CEACAM21: variants seen among roughly 807,000 people sequenced by gnomAD.
The protein encoded by CEACAM21 is cell adhesion molecule CEACAM21.
A neutral mutation model predicts 33.2 loss-of-function variants in CEACAM21; 38 were observed. That is an observed-to-expected ratio of 1.14 (90% CI 0.88 to 1.50). The LOEUF is 1.50. CEACAM21 is among the 40% of genes most tolerant of loss of function. The pLI is 0.00. For synonymous variants in CEACAM21, 156 were observed against 143.0 expected (o/e 1.09, Z -0.65); for missense variants, 385 against 364.6 (o/e 1.06, Z -0.46).
Position 41,565,633 on chromosome 19 carries a change from T to G in CEACAM21, c.-404+577T>G, listed in dbSNP as rs990256215. 4 of 148,962 alleles carry G rather than the reference T, an allele frequency of 2.7e-5. No homozygotes were observed. In the Admixed American group the frequency reaches 2.7e-4, roughly 10 times the overall value. 9.2% of individuals were successfully genotyped at this position (148,962 alleles called of 1,614,324 possible). A position where few individuals can be genotyped will look rare whatever the true frequency, so the allele number is the denominator to read the frequency against. ...TCGAACTGGTGAACTGGAGGGATCT[T>G]CCCAACCATCTTTTGTCTTTTTTAA... On this transcript the variant is annotated intron_variant, in intron 2 of 7. Coordinates refer to the CEACAM21 transcript ENST00000407170.
chr19:41,581,647 G>T (rs1241766022), intron 3 of CEACAM21, among the ~76,000 whole-genome samples: 6 of 152,174 alleles, frequency 3.9e-5, no homozygotes, highest in African/African-American at 1.4e-4. Flanking sequence ...CATGGCAGAA[G>T]GCAAAAGGCA....
chr19:41,578,164 A>G (rs940646643), intron 2 of CEACAM21, among the ~76,000 whole-genome samples: 2 of 152,164 alleles, frequency 1.3e-5, no homozygotes, highest in Non-Finnish European at 2.9e-5. Context: ...AGGACAGACA[A>G]ACAAACTTCC....
At chr19:41,562,341 GAA>G (rs1555787022) in intron 1 of CEACAM21, among the ~76,000 whole-genome samples, 1 of 151,710 alleles carries the variant, frequency 6.6e-6, no homozygotes, top group African/African-American at 2.4e-5. Flanking sequence ...CACAAACTGG[GAA>G]AGAGATGTGC....
rs1182926250 is a variant in CEACAM21 at position 41,566,120 on chromosome 19, A to G, written c.-404+1064A>G. Among the ~76,000 whole-genome samples, 5 of 152,256 alleles carry G rather than the reference A, an allele frequency of 3.3e-5. No individual in the cohort carries two copies. The South Asian group carries it at 6.2e-4, about 19-fold the overall frequency. ...AGACCCACCAAAGGATCTCCAAGATACAATTGAGAAAATCAACCCTAACAT... is the reference window on the plus strand; with the variant it reads ...AGACCCACCAAAGGATCTCCAAGATGCAATTGAGAAAATCAACCCTAACAT... On this transcript the variant is annotated intron_variant, in intron 2 of 7. Transcript: ENST00000407170.
At chr19:41,574,137 T>C (rs1179109248), upstream of CEACAM21, among the ~76,000 whole-genome samples, 4 of 152,200 alleles carry the variant, frequency 2.6e-5, no homozygotes, top group Non-Finnish European at 5.9e-5. Flanking sequence ...AACAACTGGA[T>C]AACCACATGC....
At chr19:41,554,074 CA>C (rs2122158212) in intron 1 of CEACAM21, among the ~76,000 whole-genome samples, 1 of 152,094 alleles carries the variant, frequency 6.6e-6, no homozygotes, top group East Asian at 1.9e-4. Context: ...AAAAGCAAAA[CA>C]AAGGATCAGC....
chr19:41,562,525 C>A (rs1357264834), intron 1 of CEACAM21, among the ~76,000 whole-genome samples: 1 of 152,026 alleles, frequency 6.6e-6, no homozygotes, highest in East Asian at 1.9e-4. Context: ...AGCATGTATA[C>A]AGCAAAAATA....
chr19:41,562,273 A>T (rs782402067), intron 1 of CEACAM21, among the ~76,000 whole-genome samples: 25 of 147,814 alleles, frequency 1.7e-4, no homozygotes, highest in Non-Finnish European at 2.8e-4. Flanking sequence ...AAAGAAAGAA[A>T]GAAAGAAAAA....
intron 1 of CEACAM21, among the ~76,000 whole-genome samples, chr19:41,549,714 G>A (rs143558478): frequency 1.3e-5 from 2 of 152,002 alleles, no homozygotes; most frequent in African/African-American, 4.8e-5. Flanking sequence ...TTAGAAAGAG[G>A]GTTTCCCTCT....
chr19:41,585,876 G>T lies in CEACAM21; in HGVS notation c.*5G>T. 6.2e-7 allele frequency: 1 copy of T among 1,612,816 alleles called. No homozygotes were observed. The highest frequency in any genetic ancestry group is 8.5e-7 in the Non-Finnish European group (1 of 1,179,430). ...TCTGACAGCTCCATCTCCTAGGTAAGACTGTCCGTTCCCAATCCCATTTCC... is the reference window on the plus strand; with the variant it reads ...TCTGACAGCTCCATCTCCTAGGTAATACTGTCCGTTCCCAATCCCATTTCC... On this transcript the variant is annotated splice_donor_5th_base_variant and intron_variant, in intron 6 of 6. Coordinates refer to ENST00000401445, the MANE Select transcript of CEACAM21 (RefSeq NM_001098506.4).
At position 41,576,195 on chromosome 19, in the gene CEACAM21, A is replaced by ATGTT; in HGVS notation, c.-80_-79insTGTT. 8 of 1,519,768 alleles carry ATGTT rather than the reference A, an allele frequency of 5.3e-6. No homozygotes were observed. Among genetic ancestry groups the ATGTT allele is most frequent in the Non-Finnish European group, 6.4e-6 (7 of 1,098,320 alleles). The allele number at this position is 1,519,768 out of a possible 1,614,324, so 94.1% of individuals were successfully genotyped here. On this transcript the variant is annotated 5_prime_UTR_variant, in exon 1 of 7. The change creates a new upstream start codon in the 5' untranslated region. Transcript: ENST00000401445. ...AGGAAGGAAGGACAGCAGAGACAAC[A>ATGTT]GTCACAGTAACCCTGTCTAGAGCGT...
At chr19:41,563,234 A>G (rs1480569124) in intron 1 of CEACAM21, among the ~76,000 whole-genome samples, 1 of 152,062 alleles carries the variant, frequency 6.6e-6, no homozygotes, top group Non-Finnish European at 1.5e-5. Context: ...GTGGGTGAAG[A>G]TAGTCTTGTT....
intron 2 of CEACAM21, among the ~76,000 whole-genome samples, chr19:41,578,610 C>T (rs527600194): frequency 2.4e-3 from 370 of 152,296 alleles, no homozygotes; most frequent in African/African-American, 8.1e-3. Flanking sequence ...CTTGGGCATC[C>T]TCAGCTCAGA....
At chr19:41,558,664 A>C (rs142650157) in intron 1 of CEACAM21, among the ~76,000 whole-genome samples, 75 of 152,274 alleles carry the variant, frequency 4.9e-4, no homozygotes, top group Admixed American at 2.4e-3. Flanking sequence ...ACAACAACAA[A>C]AAAAAACCTT....
chr19:41,565,968 C>CGG (rs1260748718), intron 2 of CEACAM21, among the ~76,000 whole-genome samples: 17 of 25,808 alleles, frequency 6.6e-4, no homozygotes, highest in Admixed American at 1.7e-3. Context: ...TTTGGGGGGG[C>CGG]GGGGGGGGTG....
intron 2 of CEACAM21, among the ~76,000 whole-genome samples, chr19:41,565,234 C>G (rs1706140116): frequency 6.6e-6 from 1 of 152,006 alleles, no homozygotes; most frequent in South Asian, 2.1e-4. Context: ...CCGCCCCGCT[C>G]CCCTGTGGCA....
chr19:41,566,976 C>T (rs2042305021), intron 2 of CEACAM21, among the ~76,000 whole-genome samples: 1 of 152,106 alleles, frequency 6.6e-6, no homozygotes, highest in East Asian at 1.9e-4. Flanking sequence ...ATTTTAAAAT[C>T]TCTCTTGTGT....
At chr19:41,581,301 T>G (rs879956314) in intron 3 of CEACAM21, among the ~76,000 whole-genome samples, 5 of 152,264 alleles carry the variant, frequency 3.3e-5, no homozygotes, top group Non-Finnish European at 7.3e-5. Flanking sequence ...AACCTATTCC[T>G]TTAATTCGGC....
intron 2 of CEACAM21, among the ~76,000 whole-genome samples, chr19:41,578,082 C>T (rs2043088059): frequency 6.6e-6 from 1 of 152,174 alleles, no homozygotes; most frequent in Non-Finnish European, 1.5e-5. Context: ...GGTCACCAGG[C>T]AGGGCTCAGC....
Sources: allele counts gnomAD v4.1 joint callset (sites outside exome capture counted in the v4.1 genomes callset), GRCh38; gene constraint gnomAD v4.1.1; transcripts MANE v1.5; gene names NCBI Gene and HGNC (gene_info 2026-07-23, HGNC 2026-07-21).